Variants in CNTN5 observed in about 807,000 individuals in gnomAD.
CNTN5 encodes contactin-5.
Under a neutral mutation model 129.1 loss-of-function variants are expected in CNTN5, and 77 were observed. The ratio of observed to expected loss-of-function variants is 0.60; its 90% CI spans 0.50 to 0.72. The LOEUF is 0.72. Ranked by LOEUF, CNTN5 falls within the 30% of genes least tolerant of loss-of-function variation. The probability of loss-of-function intolerance (pLI) is 0.00; values close to 1 mark genes in which losing one functional copy is unlikely to be tolerated. For missense variants in CNTN5, 1,478 were observed against 1,328.8 expected, an observed-to-expected ratio of 1.11 and a Z score of -1.75; for synonymous variants, 509 against 465.6, an observed-to-expected ratio of 1.09 and a Z score of -1.20.
intron 2 of CNTN5, among the ~76,000 whole-genome samples, chr11:99,369,437 G>C (rs1179600903): frequency 1.3e-5 from 2 of 151,234 alleles, no homozygotes; most frequent in South Asian, 2.1e-4. Flanking sequence ...AATTATACCA[G>C]TTTTCCAACA....
intron 15 of CNTN5, 87 bp from the exon 16 acceptor site, chr11:100,224,605 T>G (rs2138628911): frequency 7.3e-7 from 1 of 1,376,396 alleles, no homozygotes; most frequent in South Asian, 1.5e-5. Flanking sequence ...ATGGGCCCTT[T>G]TACTGAATAT....
chr11:99,575,042 C>G (rs17133851), intron 3 of CNTN5, among the ~76,000 whole-genome samples: 7,867 of 152,162 alleles, frequency 0.052, 465 homozygotes, highest in East Asian at 0.28. Flanking sequence ...ATTTCCTTCT[C>G]TGTAACAAAA....
intron 1 of CNTN5, among the ~76,000 whole-genome samples, chr11:99,178,048 T>A (rs560653225): frequency 6.6e-6 from 1 of 152,102 alleles, no homozygotes; most frequent in African/African-American, 2.4e-5. Flanking sequence ...TGTAATATAT[T>A]AAAACACTAT....
At chr11:100,168,397 T>C (rs1947713257) in intron 13 of CNTN5, among the ~76,000 whole-genome samples, 1 of 151,976 alleles carries the variant, frequency 6.6e-6, no homozygotes, top group Non-Finnish European at 1.5e-5. Context: ...AACTGGTGAT[T>C]CTAAGTTGAA....
chr11:99,797,726 G>A (rs771859383), intron 3 of CNTN5, among the ~76,000 whole-genome samples: 1 of 151,978 alleles, frequency 6.6e-6, no homozygotes, highest in Non-Finnish European at 1.5e-5. Context: ...CCGTTCTGCA[G>A]GTTGTTTACT....
intron 21 of CNTN5, among the ~76,000 whole-genome samples, chr11:100,320,560 GTTTT>G (rs897469032): frequency 1.3e-5 from 2 of 151,416 alleles, no homozygotes; most frequent in Admixed American, 6.6e-5. Flanking sequence ...ATCCCATTTG[GTTTT>G]TTTGTTTGTT....
intron 1 of CNTN5, among the ~76,000 whole-genome samples, chr11:99,063,266 G>A (rs1397623429): frequency 6.6e-6 from 1 of 152,016 alleles, no homozygotes; most frequent in East Asian, 1.9e-4. Flanking sequence ...TCGAGGACAT[G>A]CTTCTCTTTC....
intron 3 of CNTN5, among the ~76,000 whole-genome samples, chr11:99,677,590 A>C (rs1225615247): frequency 6.6e-6 from 1 of 152,090 alleles, no homozygotes; most frequent in Non-Finnish European, 1.5e-5. Context: ...TTGTCTTCTC[A>C]CTCTGAAGCT....
At chr11:99,337,876 A>C (rs1399898040) in intron 2 of CNTN5, among the ~76,000 whole-genome samples, 1 of 146,466 alleles carries the variant, frequency 6.8e-6, no homozygotes, top group Non-Finnish European at 1.5e-5. Flanking sequence ...GTTTAAAAAA[A>C]TCAAAGCAGA....
intron 2 of CNTN5, among the ~76,000 whole-genome samples, chr11:99,506,255 A>G (rs1013256949): frequency 3.3e-5 from 5 of 152,226 alleles, no homozygotes; most frequent in African/African-American, 1.2e-4. Context: ...ATCCCCATGC[A>G]AAATAAGTAT....
chr11:99,820,696 A>C, intron 4 of CNTN5, among the ~76,000 whole-genome samples: 1 of 152,224 alleles, frequency 6.6e-6, no homozygotes, highest in East Asian at 1.9e-4. Context: ...TGCCTTCTAT[A>C]GAAATGAAAA....
chr11:99,273,024 T>C (rs1487406167), intron 1 of CNTN5, among the ~76,000 whole-genome samples: 1 of 151,872 alleles, frequency 6.6e-6, no homozygotes, highest in East Asian at 1.9e-4. Flanking sequence ...CAATTTTTAA[T>C]TTATACAATA....
At chr11:99,634,799 G>A (rs1951490690) in intron 3 of CNTN5, among the ~76,000 whole-genome samples, 1 of 152,132 alleles carries the variant, frequency 6.6e-6, no homozygotes, top group African/African-American at 2.4e-5. Flanking sequence ...GAGATGGATT[G>A]GAACAGAAGT....
At chr11:100,287,781 C>G (rs1721211323) in intron 18 of CNTN5, among the ~76,000 whole-genome samples, 1 of 152,084 alleles carries the variant, frequency 6.6e-6, no homozygotes, top group African/African-American at 2.4e-5. Context: ...TGTAAATGGA[C>G]TAAATGCTCC....
chr11:100,317,627 A>T (rs1188648194), intron 21 of CNTN5, among the ~76,000 whole-genome samples: 1 of 152,244 alleles, frequency 6.6e-6, no homozygotes, highest in Non-Finnish European at 1.5e-5. Context: ...ACTAAAAATT[A>T]CGTTTTCTGA....
intron 1 of CNTN5, among the ~76,000 whole-genome samples, chr11:99,107,447 A>G (rs1434683386): frequency 6.6e-6 from 1 of 152,140 alleles, no homozygotes; most frequent in Non-Finnish European, 1.5e-5. Flanking sequence ...ATTTTACATT[A>G]CATATTTTAG....
intron 1 of CNTN5, among the ~76,000 whole-genome samples, chr11:99,251,851 G>C (rs904277411): frequency 6.6e-6 from 1 of 151,966 alleles, no homozygotes; most frequent in Non-Finnish European, 1.5e-5. Context: ...AGAAGCTTTT[G>C]TGTCCTGTCG....
chr11:99,106,689 T>C (rs34757944), intron 1 of CNTN5, among the ~76,000 whole-genome samples: 37,986 of 151,902 alleles, frequency 0.25, 5,174 homozygotes, highest in Middle Eastern at 0.32. Flanking sequence ...TTTTCTTATC[T>C]TTAAGTCATT....
In CNTN5 at chr11:100,242,284, C is replaced by G. The variant is rs143219782; in HGVS notation, c.2006-13476C>G. Among the ~76,000 whole-genome samples, 617 of 152,280 alleles carry G rather than the reference C, an allele frequency of 4.1e-3. 14 individuals carry two copies. Among genetic ancestry groups the G allele is most frequent in the Admixed American group, 0.032 (491 of 15,278 alleles). On this transcript the variant is annotated intron_variant, in intron 16 of 24. Coordinates refer to ENST00000524871, the MANE Select transcript of CNTN5 (RefSeq NM_014361.4). ...TCCTTCTTATTTATTTCTCAACTCC[C>G]TATCAAATGTTGCCTACCTCTTCCC...
Sources: allele counts gnomAD v4.1 joint callset (sites outside exome capture counted in the v4.1 genomes callset), GRCh38; gene constraint gnomAD v4.1.1; transcripts MANE v1.5; gene names NCBI Gene and HGNC (gene_info 2026-07-23, HGNC 2026-07-21).